Variants in KHDRBS3 observed in about 807,000 individuals in gnomAD.
KHDRBS3 encodes KH RNA binding domain containing, signal transduction associated 3, also known as KH domain-containing, RNA-binding, signal transduction-associated protein 3.
Under a neutral mutation model 45.6 loss-of-function variants are expected in KHDRBS3, and 23 were observed. The observed-to-expected ratio is 0.50, with a 90% CI of 0.36 to 0.72. The LOEUF (loss-of-function observed/expected upper bound fraction) is 0.72, where lower values mean the gene tolerates loss of function less well. KHDRBS3 is among the 30% of genes least tolerant of loss of function. The pLI is 0.00. For synonymous variants in KHDRBS3, 162 were observed against 156.5 expected (o/e 1.04, Z -0.26); for missense variants, 352 against 424.8 (o/e 0.83, Z 1.51).
intron 7 of KHDRBS3, among the ~76,000 whole-genome samples, chr8:135,628,573 A>G (rs1830469256): frequency 6.6e-6 from 1 of 152,210 alleles, no homozygotes; most frequent in South Asian, 2.1e-4. Flanking sequence ...TTGATAAGTG[A>G]TATCTATTAT....
chr8:135,589,658 A>G (rs1295302372), intron 6 of KHDRBS3, among the ~76,000 whole-genome samples: 1 of 152,220 alleles, frequency 6.6e-6, no homozygotes, highest in East Asian at 1.9e-4. Context: ...TTAACAAATT[A>G]TACCCACCTC....
intron 2 of KHDRBS3, among the ~76,000 whole-genome samples, chr8:135,532,920 A>G (rs1193293315): frequency 6.6e-6 from 1 of 152,184 alleles, no homozygotes; most frequent in Admixed American, 6.5e-5. Flanking sequence ...TTAGTATTAG[A>G]TAAACAATGT....
chr8:135,528,521 G>A (rs1355696369), intron 2 of KHDRBS3, among the ~76,000 whole-genome samples: 1 of 152,098 alleles, frequency 6.6e-6, no homozygotes, highest in Non-Finnish European at 1.5e-5. Flanking sequence ...TAATTTATGT[G>A]AAAATGATTT....
chr8:135,458,078 G>A (rs1260542799), intron 1 of KHDRBS3, 124 bp downstream of exon 1: 2 of 1,397,744 alleles, frequency 1.4e-6, no homozygotes, highest in Middle Eastern at 1.9e-4. Flanking sequence ...AGGCCCGGGT[G>A]GCCCCCGGGG....
chr8:135,585,260 C>T (rs1039060406), intron 6 of KHDRBS3, among the ~76,000 whole-genome samples: 6 of 144,662 alleles, frequency 4.1e-5, no homozygotes, highest in Non-Finnish European at 7.6e-5. Context: ...AAAATCGTTT[C>T]TTTGTTTCTT....
intron 4 of KHDRBS3, chr8:135,549,136 T>TA: frequency 3.1e-6 from 1 of 318,144 alleles, no homozygotes; most frequent in Admixed American, 4.9e-5. Flanking sequence ...GTTACATGGC[T>TA]AAAAAACTTG....
intron 5 of KHDRBS3, among the ~76,000 whole-genome samples, chr8:135,572,862 TCAGCCTTCTCATTTG>T (rs1827770556): frequency 6.6e-6 from 1 of 152,244 alleles, no homozygotes; most frequent in Non-Finnish European, 1.5e-5. Flanking sequence ...TTTCCTTTTG[TCAGCCTTCTCATTTG>T]CATAGCAACC....
In KHDRBS3 at chr8:135,542,706, TACAAGAAGAA is replaced by T; in HGVS notation, c.263_272del (p.Gln88ProfsTer2). 2 of 1,613,890 alleles carry T rather than the reference TACAAGAAGAA, an allele frequency of 1.2e-6. No homozygotes were observed. Among genetic ancestry groups the T allele is most frequent in the Non-Finnish European group, 1.7e-6 (2 of 1,179,820 alleles). Reference sequence around the variant, plus strand: ...CCACGTGGCAATTCTCTGAAGCGTTTACAAGAAGAAACCTTGACAAAAATGTCCATCCTTG... The same window carrying T: ...CCACGTGGCAATTCTCTGAAGCGTTTACCTTGACAAAAATGTCCATCCTTG... On this transcript the variant is annotated frameshift_variant, in exon 3 of 9. Coordinates refer to ENST00000355849, the MANE Select transcript of KHDRBS3 (RefSeq NM_006558.3). LOFTEE classifies it high-confidence loss of function.
intron 7 of KHDRBS3, among the ~76,000 whole-genome samples, chr8:135,618,467 G>T (rs770447212): frequency 6.6e-6 from 1 of 152,038 alleles, no homozygotes; most frequent in African/African-American, 2.4e-5. Flanking sequence ...TATAAAAATG[G>T]TTTACATACT....
At chr8:135,551,054 G>A (rs1172833927) in intron 4 of KHDRBS3, among the ~76,000 whole-genome samples, 1 of 151,896 alleles carries the variant, frequency 6.6e-6, no homozygotes, top group African/African-American at 2.4e-5. Flanking sequence ...ATGCAATTGA[G>A]TTTTGTATAT....
chr8:135,626,082 G>C, intron 7 of KHDRBS3: 1 of 521,334 alleles, frequency 1.9e-6, no homozygotes, highest in East Asian at 2.8e-5. Flanking sequence ...TAGATTGTAT[G>C]ACAACAAAAA....
rs998501810 is a variant in KHDRBS3 at position 135,570,303 on chromosome 8, A to G, written c.612-11575A>G. 4.9e-4 allele frequency among the ~76,000 whole-genome samples: 75 copies of G among 152,336 alleles called. 1 individual carries two copies. The highest frequency in any genetic ancestry group is 5.2e-4 in the Admixed American group (8 of 15,302). ...ACATACTGAATAGAAAAGTTACAAG[A>G]TATTATCTTTAAAATTGATTAAGAA... On this transcript the variant is annotated intron_variant, in intron 5 of 8. Transcript: ENST00000355849.
chr8:135,621,095 C>G (rs1271351391), intron 7 of KHDRBS3, among the ~76,000 whole-genome samples: 2 of 143,096 alleles, frequency 1.4e-5, no homozygotes, highest in African/African-American at 2.6e-5. Flanking sequence ...GTCTTCAACT[C>G]TGGCTACGTG....
At chr8:135,521,203 C>A in intron 1 of KHDRBS3, 34 bp from the exon 2 acceptor site, 1 of 1,324,074 alleles carries the variant, frequency 7.6e-7, no homozygotes, top group South Asian at 1.2e-5. Flanking sequence ...ATTTCTGAGT[C>A]ATACACTTCA....
At chr8:135,525,599 G>A (rs1825140459) in intron 2 of KHDRBS3, among the ~76,000 whole-genome samples, 1 of 152,292 alleles carries the variant, frequency 6.6e-6, no homozygotes, top group Admixed American at 6.5e-5. Context: ...TGGGCAGCCT[G>A]TTAGGAATGT....
chr8:135,549,533 G>A (rs528176656), intron 4 of KHDRBS3: 1 of 152,272 alleles, frequency 6.6e-6, no homozygotes, highest in East Asian at 1.9e-4. Flanking sequence ...AATTTAAAGG[G>A]AATACATCTC....
At position 135,652,864 on chromosome 8, in the gene KHDRBS3, G is replaced by A. The variant is rs957887967; in HGVS notation, c.*118-3362G>A. 2.0e-5 allele frequency among the ~76,000 whole-genome samples: 3 copies of A among 152,194 alleles called. No individual in the cohort carries two copies. In the South Asian group the frequency reaches 6.2e-4, roughly 31 times the overall value. On this transcript the variant is annotated intron_variant and NMD_transcript_variant, in intron 4 of 4. Transcript: ENST00000521461. ...AATTACCATGCCTTATGCCTAGTAA[G>A]TGGTAAATGAACAAGTCGTTGGATG... is the stretch of plus-strand genomic sequence containing the variant.
chr8:135,503,617 G>A (rs576231681), intron 1 of KHDRBS3, among the ~76,000 whole-genome samples: 22 of 151,692 alleles, frequency 1.5e-4, no homozygotes, highest in Admixed American at 7.9e-4. Flanking sequence ...ACCTCAGCTA[G>A]TGAGGTAGTA....
At chr8:135,576,711 G>T (rs1827961478) in intron 5 of KHDRBS3, among the ~76,000 whole-genome samples, 1 of 152,114 alleles carries the variant, frequency 6.6e-6, no homozygotes, top group Non-Finnish European at 1.5e-5. Context: ...ATTGGAGTAT[G>T]GTATTAGAAA....
Sources: allele counts gnomAD v4.1 joint callset (sites outside exome capture counted in the v4.1 genomes callset), GRCh38; gene constraint gnomAD v4.1.1; transcripts MANE v1.5; gene names NCBI Gene and HGNC (gene_info 2026-07-23, HGNC 2026-07-21).